KHDRBS3: variants seen among roughly 807,000 people sequenced by gnomAD.
The protein encoded by KHDRBS3 is KH domain-containing, RNA-binding, signal transduction-associated protein 3.
In KHDRBS3, 23 loss-of-function variants were observed where a neutral mutation model predicts 45.6. The ratio of observed to expected loss-of-function variants is 0.50; its 90% CI spans 0.36 to 0.72. The LOEUF (loss-of-function observed/expected upper bound fraction) is 0.72, where lower values mean the gene tolerates loss of function less well. KHDRBS3 is among the 30% of genes least tolerant of loss of function. KHDRBS3 has a pLI of 0.00. For missense variants in KHDRBS3, 352 were observed against 424.8 expected (o/e 0.83, Z 1.51); for synonymous variants, 162 against 156.5 (o/e 1.04, Z -0.26).
chr8:135,458,016 GC>G, intron 1 of KHDRBS3, 62 bp downstream of exon 1: 1 of 1,504,480 alleles, frequency 6.6e-7, no homozygotes. Flanking sequence ...AAACGCGGGG[GC>G]CCAGGGGGCC....
Position 135,457,492 on chromosome 8 carries a change from G to T in KHDRBS3, c.-375G>T, listed in dbSNP as rs1052091522. On this transcript the variant is annotated 5_prime_UTR_variant, in exon 1 of 9. Coordinates refer to ENST00000355849, the MANE Select transcript of KHDRBS3 (RefSeq NM_006558.3). This position sits in a 1 kb window ranked among gnomAD's most constrained non-coding sequence, Gnocchi z 4.4. ...GGCGGCGCGCGGCGTGCAGGTCGCA[G>T]CTGTGGCTCGGGTGCTGGCAGGTGC... 3.4e-5 allele frequency: 5 copies of T among 147,434 alleles called. No homozygotes were observed. The highest frequency in any genetic ancestry group is 1.9e-4 in the South Asian group (1 of 5,192). 9.1% of individuals were successfully genotyped at this position (147,434 alleles called of 1,614,324 possible).
chr8:135,569,672 G>T (rs557801413), intron 5 of KHDRBS3, among the ~76,000 whole-genome samples: 6 of 152,180 alleles, frequency 3.9e-5, no homozygotes, highest in African/African-American at 1.4e-4. Context: ...AAGGTGAGCC[G>T]CATGGTCTCT....
chr8:135,464,695 T>C lies in KHDRBS3; in HGVS notation c.88+6741T>C, dbSNP rs76537434. Among the ~76,000 whole-genome samples the C allele has an allele frequency of 3.4e-3, 511 of 152,364 alleles. 2 individuals are homozygous for C. The highest frequency in any genetic ancestry group is 0.011 in the African/African-American group (455 of 41,594). On this transcript the variant is annotated intron_variant, in intron 1 of 8. Transcript: ENST00000355849. Reference sequence around the variant, plus strand: ...ACCATTTATCAAGAGCCTTTTCTGGTTTACGTGCTTTATGTATGTTATTTC... The same window carrying C: ...ACCATTTATCAAGAGCCTTTTCTGGCTTACGTGCTTTATGTATGTTATTTC...
At position 135,645,208 on chromosome 8, in the gene KHDRBS3, T is replaced by C. The variant is rs962529220; in HGVS notation, c.949+91T>C. 2.7e-5 allele frequency: 36 copies of C among 1,345,794 alleles called. No homozygotes were observed. The South Asian group carries it at 3.5e-4, about 13-fold the overall frequency. 83.4% of individuals were successfully genotyped at this position (1,345,794 alleles called of 1,614,324 possible). A position where few individuals can be genotyped will look rare whatever the true frequency, so the allele number is the denominator to read the frequency against. ...ATTAATGGGAAGAGAATAAGGACAT[T>C]TGGACTCTGAAACAGCAGCTTCCTG... On this transcript the variant is annotated intron_variant, in intron 8 of 8. Coordinates refer to ENST00000355849, the MANE Select transcript of KHDRBS3 (RefSeq NM_006558.3).
At chr8:135,522,013 A>G (rs1042679118) in intron 2 of KHDRBS3, among the ~76,000 whole-genome samples, 2 of 152,030 alleles carry the variant, frequency 1.3e-5, no homozygotes, top group Non-Finnish European at 2.9e-5. Flanking sequence ...GGTTTGTTAC[A>G]TAGGTAAATG....
chr8:135,489,418 G>A (rs1009443624), intron 1 of KHDRBS3, among the ~76,000 whole-genome samples: 2 of 152,136 alleles, frequency 1.3e-5, no homozygotes, highest in Admixed American at 6.6e-5. Context: ...GGTGGCTCAC[G>A]CCTGTAATCC....
At chr8:135,642,737 G>A (rs755240111) in intron 7 of KHDRBS3, among the ~76,000 whole-genome samples, 1 of 151,890 alleles carries the variant, frequency 6.6e-6, no homozygotes, top group Non-Finnish European at 1.5e-5. Context: ...ACAAGGTGGG[G>A]CCTATATTCT....
intron 1 of KHDRBS3, among the ~76,000 whole-genome samples, chr8:135,479,602 C>T (rs1462223490): frequency 6.6e-6 from 1 of 152,148 alleles, no homozygotes; most frequent in Non-Finnish European, 1.5e-5. Context: ...TTCTATGTGT[C>T]CTCACATGGT....
intron 1 of KHDRBS3, among the ~76,000 whole-genome samples, chr8:135,492,920 T>C (rs989518180): frequency 6.6e-6 from 1 of 152,220 alleles, no homozygotes; most frequent in Admixed American, 6.5e-5. Context: ...AGAAATGATA[T>C]CTTAACAATA....
intron 6 of KHDRBS3, among the ~76,000 whole-genome samples, chr8:135,589,420 C>A (rs751704711): frequency 2.6e-5 from 4 of 152,174 alleles, no homozygotes; most frequent in Non-Finnish European, 5.9e-5. Flanking sequence ...CTTCCTGAGA[C>A]CTTTCATCCT....
At chr8:135,615,998 C>T (rs1013050449) in intron 7 of KHDRBS3, among the ~76,000 whole-genome samples, 2 of 152,108 alleles carry the variant, frequency 1.3e-5, no homozygotes, top group African/African-American at 4.8e-5. Context: ...GTATCTTCAC[C>T]AGGAATTTCT....
chr8:135,521,716 TTA>T (rs1404886927), intron 2 of KHDRBS3, among the ~76,000 whole-genome samples: 25 of 152,176 alleles, frequency 1.6e-4, no homozygotes, highest in African/African-American at 5.5e-4. Context: ...ATATCATTGT[TTA>T]TGTTTTATTT....
intron 7 of KHDRBS3, chr8:135,625,788 G>C: frequency 1.3e-6 from 1 of 768,428 alleles, no homozygotes; most frequent in Non-Finnish European, 2.4e-6. Flanking sequence ...TTCTAGCTTA[G>C]CTTAGAATTT....
Position 135,458,000 on chromosome 8 carries a change from G to C in KHDRBS3, c.88+46G>C, listed in dbSNP as rs1483776290. The stretch of plus-strand genomic sequence containing the variant: ...TGCCGGCCGGCGGCGGTTGGGGGCC[G>C]GGTGGAAACGCGGGGGCCCAGGGGG... On this transcript the variant is annotated intron_variant, in intron 1 of 8. Coordinates refer to ENST00000355849, the MANE Select transcript of KHDRBS3 (RefSeq NM_006558.3). This position sits in a 1 kb window ranked among gnomAD's most constrained non-coding sequence, Gnocchi z 4.4. 3 of 1,532,990 alleles carry C rather than the reference G, an allele frequency of 2.0e-6. No individual in the cohort carries two copies. In the African/African-American group the frequency reaches 4.3e-5, roughly 22 times the overall value. The allele number at this position is 1,532,990 out of a possible 1,614,324, so 95.0% of individuals were successfully genotyped here.
intron 7 of KHDRBS3, among the ~76,000 whole-genome samples, chr8:135,617,708 A>G (rs1458141738): frequency 1.3e-5 from 2 of 152,220 alleles, no homozygotes; most frequent in South Asian, 2.1e-4. Flanking sequence ...GCACTCTGCT[A>G]TACTACCTCT....
intron 5 of KHDRBS3, among the ~76,000 whole-genome samples, chr8:135,562,482 G>A (rs1657792131): frequency 6.6e-6 from 1 of 152,136 alleles, no homozygotes; most frequent in Non-Finnish European, 1.5e-5. Context: ...AACACCTAAG[G>A]AGCTGTTCCT....
chr8:135,614,671 C>G (rs1318438079), intron 7 of KHDRBS3, among the ~76,000 whole-genome samples: 1 of 151,392 alleles, frequency 6.6e-6, no homozygotes. Flanking sequence ...CCCCATAGAC[C>G]CGTAAATACT....
chr8:135,525,883 T>C (rs1047461859), intron 2 of KHDRBS3, among the ~76,000 whole-genome samples: 1 of 152,154 alleles, frequency 6.6e-6, no homozygotes, highest in African/African-American at 2.4e-5. Context: ...AGTTTGTAAA[T>C]GAAATAAAAT....
At chr8:135,558,116 C>A (rs1210882466) in intron 5 of KHDRBS3, among the ~76,000 whole-genome samples, 2 of 152,186 alleles carry the variant, frequency 1.3e-5, no homozygotes, top group African/African-American at 4.8e-5. Flanking sequence ...ATTGCAACAT[C>A]ACCAATCCTA....
Sources: allele counts gnomAD v4.1 joint callset (sites outside exome capture counted in the v4.1 genomes callset), GRCh38; gene constraint gnomAD v4.1.1; non-coding constraint Gnocchi (gnomAD v3.1); transcripts MANE v1.5; gene names NCBI Gene and HGNC (gene_info 2026-07-23, HGNC 2026-07-21).